The following NEK4 variants were observed in gnomAD, a reference collection of about 807,000 sequenced individuals.
NEK4 encodes the protein serine/threonine-protein kinase Nek4.
Under a neutral mutation model 98.4 loss-of-function variants are expected in NEK4, and 86 were observed. The observed-to-expected ratio is 0.87, with a 90% CI of 0.73 to 1.05. The LOEUF is 1.05. Ranked by LOEUF, NEK4 falls within the 50% of genes least tolerant of loss-of-function variation. The probability of loss-of-function intolerance (pLI) is 0.00; values close to 1 mark genes in which losing one functional copy is unlikely to be tolerated. For missense variants in NEK4, 898 were observed against 950.3 expected (o/e 0.94, Z 0.72); for synonymous variants, 328 against 342.2 (o/e 0.96, Z 0.46).
At chr3:52,741,692 C>T (rs768280450) in intron 12 of NEK4, among the ~76,000 whole-genome samples, 193 bp from the exon 13 acceptor site, 1 of 151,604 alleles carries the variant, frequency 6.6e-6, no homozygotes, top group African/African-American at 2.4e-5. Context: ...TGATTTTACC[C>T]GTGATATCCC....
intron 8 of NEK4, among the ~76,000 whole-genome samples, chr3:52,748,126 AT>A (rs35506705): frequency 0.014 from 1,929 of 142,194 alleles, 43 homozygotes; most frequent in African/African-American, 0.045. Context: ...CGCCCAGCTA[AT>A]TTTTTTTTTT....
At chr3:52,716,976 T>C (rs1160864533) in intron 15 of NEK4, among the ~76,000 whole-genome samples, 2 of 152,182 alleles carry the variant, frequency 1.3e-5, no homozygotes, top group Admixed American at 6.5e-5. Flanking sequence ...GGGCAGGCCA[T>C]TGGCAGATCT....
At position 52,763,527 on chromosome 3, in the gene NEK4, A is replaced by G. The variant is rs2154106625; in HGVS notation, c.764T>C (p.Ile255Thr). 6.2e-7 allele frequency: 1 copy of G among 1,614,138 alleles called. No homozygotes were observed. Among genetic ancestry groups the G allele is most frequent in the South Asian group, 1.1e-5 (1 of 91,080 alleles). The change falls in exon 5 of 16, where the codon ATC becomes ACC. Residue 255 changes from isoleucine (I) to threonine (T), a missense_variant. Ile to Thr is a moderately conservative substitution (Grantham distance 89). Coordinates refer to ENST00000233027, the MANE Select transcript of NEK4 (RefSeq NM_003157.6). ...CCGCTTTATATAAGGCTGCCTCAGG[A>G]TGCTCCTCACAGACGGCCTTTCTTC... ...RPEERPSVRSILRQPYIKRQI... is the reference protein window; with the variant it reads ...RPEERPSVRSTLRQPYIKRQI...
At chr3:52,734,985 C>A (rs2097373977) in intron 15 of NEK4, 1 of 180,272 alleles carries the variant, frequency 5.5e-6, no homozygotes, top group East Asian at 1.7e-4. Flanking sequence ...GCTTTCCTAC[C>A]AACTAAAATT....
chr3:52,768,551 A>T lies in NEK4; in HGVS notation c.147T>A (p.Ala49=). The T allele has an allele frequency of 6.2e-7, 1 of 1,614,178 alleles. No individual in the cohort carries two copies. The highest frequency in any genetic ancestry group is 8.5e-7 in the Non-Finnish European group (1 of 1,180,006). Reference sequence around the variant, plus strand: ...ACAAGAGCTGGGCTTCCTGTTCAGCAGCTCGCCGCTCTCGGCTAGAGGCAT... The same window carrying T: ...ACAAGAGCTGGGCTTCCTGTTCAGCTGCTCGCCGCTCTCGGCTAGAGGCAT... ...LRNASSRERR[A]AEQEAQLLSQ... The change falls in exon 2 of 16, where the codon GCT becomes GCA. Residue 49 remains alanine, a synonymous_variant. Transcript: ENST00000233027.
intron 4 of NEK4, among the ~76,000 whole-genome samples, chr3:52,764,475 C>A (rs1376305471): frequency 6.7e-6 from 1 of 149,320 alleles, no homozygotes; most frequent in Non-Finnish European, 1.5e-5. Flanking sequence ...ACTAAAAATA[C>A]AAAAAAGTGG....
chr3:52,744,128 A>G (rs2154104201), intron 11 of NEK4, 111 bp downstream of exon 11: 2 of 777,374 alleles, frequency 2.6e-6, no homozygotes, highest in Middle Eastern at 2.3e-4. Context: ...GATTTCCTAC[A>G]TGTTTTACTG....
At chr3:52,715,049 A>T (rs1400099383) in intron 15 of NEK4, among the ~76,000 whole-genome samples, 1 of 152,208 alleles carries the variant, frequency 6.6e-6, no homozygotes, top group East Asian at 1.9e-4. Context: ...CAGACAGGCT[A>T]CTGGGCAGAA....
At position 52,744,302 on chromosome 3, in the gene NEK4, G is replaced by A. The variant is rs764821008; in HGVS notation, c.1831C>T (p.Arg611Ter). 6 of 1,612,534 alleles carry A rather than the reference G, an allele frequency of 3.7e-6. No individual in the cohort carries two copies. Among genetic ancestry groups the A allele is most frequent in the South Asian group, 3.3e-5 (3 of 91,044 alleles). ...CTCCTCTCTCTGGCTGATAATGGTC[G>A]ATCCTTTAAAAGAAAGTCACAGAGT... The part of the protein sequence containing the change: ...RSSEMSSSKD[R>*]PLSARERRRL... Residue 611 changes from arginine to a stop codon, truncating the protein, a stop_gained, in exon 11 of 16, where the codon CGA becomes TGA. Transcript: ENST00000233027. LOFTEE classifies it high-confidence loss of function.
intron 15 of NEK4, among the ~76,000 whole-genome samples, chr3:52,728,468 T>A (rs1486048810): frequency 6.6e-6 from 1 of 152,230 alleles, no homozygotes; most frequent in Non-Finnish European, 1.5e-5. Context: ...TTCTTACCCC[T>A]GTTTTACTTT....
At chr3:52,760,427 G>C (rs1026448820) in intron 6 of NEK4, among the ~76,000 whole-genome samples, 18 of 152,170 alleles carry the variant, frequency 1.2e-4, no homozygotes, top group African/African-American at 4.3e-4. Context: ...ATGTTGGCCA[G>C]GCTGGTCTTG....
intron 15 of NEK4, among the ~76,000 whole-genome samples, chr3:52,735,889 C>T (rs536439617): frequency 7.2e-5 from 11 of 152,328 alleles, no homozygotes; most frequent in Non-Finnish European, 1.3e-4. Flanking sequence ...CATTCACTGC[C>T]ACCTTATCTT....
intron 4 of NEK4, among the ~76,000 whole-genome samples, chr3:52,765,017 T>C (rs1214786586): frequency 6.6e-6 from 1 of 152,156 alleles, no homozygotes; most frequent in African/African-American, 2.4e-5. Context: ...AGTTGTGGGA[T>C]AGTATTAAAA....
chr3:52,739,322 C>G lies in NEK4; in HGVS notation c.2299+107G>C, dbSNP rs1441826055. The G allele has an allele frequency of 3.4e-6, 3 of 872,076 alleles. No homozygotes were observed. The African/African-American group carries it at 5.0e-5, about 15-fold the overall frequency. 54.0% of individuals were successfully genotyped at this position (872,076 alleles called of 1,614,324 possible). A position where few individuals can be genotyped will look rare whatever the true frequency, so the allele number is the denominator to read the frequency against. ...GCTGAAGCAGGAGAATCGCTTGAACCCGGGAGGCAAAGGTTGCAGTGAGCC... is the reference window on the plus strand; with the variant it reads ...GCTGAAGCAGGAGAATCGCTTGAACGCGGGAGGCAAAGGTTGCAGTGAGCC... On this transcript the variant is annotated intron_variant, in intron 14 of 15. Transcript: ENST00000233027.
At chr3:52,742,643 T>C (rs2097388440) in intron 12 of NEK4, among the ~76,000 whole-genome samples, 1 of 152,092 alleles carries the variant, frequency 6.6e-6, no homozygotes, top group African/African-American at 2.4e-5. Context: ...GAAGGTAAAC[T>C]ACATTGACAC....
chr3:52,760,389 G>A (rs1363040957), intron 6 of NEK4, among the ~76,000 whole-genome samples: 1 of 152,006 alleles, frequency 6.6e-6, no homozygotes, highest in Non-Finnish European at 1.5e-5. Context: ...GCTAATTTTT[G>A]TATTTTTAGT....
chr3:52,768,229 A>C lies in NEK4; in HGVS notation c.360+109T>G, dbSNP rs988710882. The C allele has an allele frequency of 7.8e-6, 8 of 1,026,572 alleles. No homozygotes were observed. In the African/African-American group the frequency reaches 1.3e-4, roughly 16 times the overall value. The allele number at this position is 1,026,572 out of a possible 1,614,324, so 63.6% of individuals were successfully genotyped here. A position where few individuals can be genotyped will look rare whatever the true frequency, so the allele number is the denominator to read the frequency against. On this transcript the variant is annotated intron_variant, in intron 2 of 15. Coordinates refer to ENST00000233027, the MANE Select transcript of NEK4 (RefSeq NM_003157.6). ...GTCAACTTCACAAATGAATTTTCCA[A>C]AAAATACATTTCTATATGTAAGTAT...
intron 15 of NEK4, among the ~76,000 whole-genome samples, chr3:52,722,579 T>C (rs962378859): frequency 1.3e-5 from 2 of 151,932 alleles, no homozygotes; most frequent in Non-Finnish European, 2.9e-5. Context: ...TCAATAGAAA[T>C]TGTCCCTAAG....
At position 52,763,577 on chromosome 3, in the gene NEK4, T is replaced by C. The variant is rs754453537; in HGVS notation, c.714A>G (p.Ile238Met). 6.2e-7 allele frequency: 1 copy of C among 1,613,542 alleles called. No individual in the cohort carries two copies. Residue 238 changes from isoleucine to methionine, a missense_variant, in exon 5 of 16, where the codon ATA becomes ATG. Ile to Met is a conservative substitution (Grantham distance 10). Transcript: ENST00000233027. ...RDYSPELAEL[I>M]RTMLSKRPEE... ...CAGGCCTTTTGCTCAGCATTGTTCT[T>C]ATCAGTTCTGCCAGCTCTGGGCTGT... is the stretch of plus-strand genomic sequence containing the variant.
Sources: gnomAD v4.1 joint callset for allele counts (sites outside exome capture counted in the v4.1 genomes callset) on GRCh38, gnomAD v4.1.1 for gene constraint, MANE v1.5 for transcripts, NCBI Gene and HGNC (gene_info 2026-07-23, HGNC 2026-07-21) for gene names.